PCDHAC1: variants seen among roughly 807,000 people sequenced by gnomAD.
PCDHAC1 encodes protocadherin alpha-C1.
PCDHAC1 carries 42 observed loss-of-function variants against 60.0 expected under a neutral mutation model. The ratio of observed to expected loss-of-function variants is 0.70; its 90% CI spans 0.55 to 0.90. The LOEUF is 0.90. PCDHAC1 is among the 40% of genes least tolerant of loss of function. PCDHAC1 has a pLI of 0.00. For synonymous variants in PCDHAC1, 468 were observed against 499.3 expected, an observed-to-expected ratio of 0.94 and a Z score of 0.84; for missense variants, 1,160 against 1,222.3, an observed-to-expected ratio of 0.95 and a Z score of 0.76.
chr5:140,936,275 T>C (rs1423652397), intron 1 of PCDHAC1, among the ~76,000 whole-genome samples: 1 of 152,216 alleles, frequency 6.6e-6, no homozygotes, highest in African/African-American at 2.4e-5. Context: ...TATATTCCTG[T>C]GTTTTCTTCT....
chr5:140,966,516 G>A (rs967570115), intron 1 of PCDHAC1: 27 of 436,614 alleles, frequency 6.2e-5, no homozygotes, highest in Admixed American at 4.4e-4. Flanking sequence ...GCAGCAGCAG[G>A]AAGCCGAGCC....
intron 1 of PCDHAC1, among the ~76,000 whole-genome samples, chr5:140,935,777 T>C (rs1306193430): frequency 6.6e-6 from 1 of 152,190 alleles, no homozygotes; most frequent in African/African-American, 2.4e-5. Flanking sequence ...TTTGAGTTTT[T>C]TCACTTAAAA....
chr5:140,982,483 A>G lies in PCDHAC1; in HGVS notation c.2501A>G (p.His834Arg). Residue 834 changes from histidine (H) to arginine (R), a missense_variant, in exon 3 of 4, where the codon CAC (histidine) becomes CGC (arginine). His to Arg is a conservative substitution (Grantham distance 29, BLOSUM62 0). This residue lies in a region of PCDHAC1 where 1,113 missense variants were observed against 1,163.7 expected (regional missense o/e 0.96). Transcript: ENST00000253807. ...SLRAGMHSSV[H>R]LEEAGILRAG... ...TCTGTGTGTTTATTCAGCTCTGTGC[A>G]CCTAGAGGAGGCTGGCATTCTACGG... The G allele has an allele frequency of 1.2e-6, 2 of 1,614,142 alleles. No homozygotes were observed. Among genetic ancestry groups the G allele is most frequent in the Non-Finnish European group, 1.7e-6 (2 of 1,180,016 alleles).
chr5:140,930,747 CAT>C (rs2087070106), intron 1 of PCDHAC1, among the ~76,000 whole-genome samples: 1 of 152,116 alleles, frequency 6.6e-6, no homozygotes, highest in Non-Finnish European at 1.5e-5. Context: ...AATAAATTTA[CAT>C]ATGTTAAAAT....
chr5:140,976,841 A>G lies in PCDHAC1; in HGVS notation c.2434-2108A>G, dbSNP rs145977857. Among the ~76,000 whole-genome samples the G allele has an allele frequency of 1.2e-3, 190 of 152,338 alleles. 1 individual carries two copies. Among genetic ancestry groups the G allele is most frequent in the African/African-American group, 4.3e-3 (178 of 41,578 alleles). ...GTGTCTAATGAGCAAAACAGATATA[A>G]TCCCTTTCATAGAGTTTACTGTCTG... On this transcript the variant is annotated intron_variant, in intron 1 of 3. Coordinates refer to ENST00000253807, the MANE Select transcript of PCDHAC1 (RefSeq NM_018898.5).
intron 1 of PCDHAC1, 22 bp from the exon 2 acceptor site, chr5:140,978,924 GAAA>G (rs781894146): frequency 6.2e-7 from 1 of 1,614,012 alleles, no homozygotes; most frequent in East Asian, 2.2e-5. Flanking sequence ...CATTTTAACA[GAAA>G]ACTCTCTTTG....
chr5:141,005,701 CAAAAAAAAA>C (rs59860837), intron 3 of PCDHAC1, among the ~76,000 whole-genome samples: 2 of 7,784 alleles, frequency 2.6e-4, no homozygotes, highest in African/African-American at 4.7e-4. Context: ...AACTCCGTCT[CAAAAAAAAA>C]AAAAAAAAAA....
intron 1 of PCDHAC1, among the ~76,000 whole-genome samples, chr5:140,950,508 C>T (rs1442075303): frequency 6.6e-6 from 1 of 152,016 alleles, no homozygotes; most frequent in African/African-American, 2.4e-5. Context: ...TCATTATTCC[C>T]TGTGTGCGAT....
At chr5:140,995,963 A>G (rs2097706042) in intron 3 of PCDHAC1, among the ~76,000 whole-genome samples, 1 of 152,234 alleles carries the variant, frequency 6.6e-6, no homozygotes, top group Non-Finnish European at 1.5e-5. Context: ...AATGCTTAGA[A>G]CCATGCTTAG....
At chr5:140,976,971 C>A (rs2096740170) in intron 1 of PCDHAC1, among the ~76,000 whole-genome samples, 1 of 152,138 alleles carries the variant, frequency 6.6e-6, no homozygotes, top group Non-Finnish European at 1.5e-5. Flanking sequence ...TTTCCTTTTC[C>A]CTGCCTGATC....
In PCDHAC1 at chr5:140,928,054, A is replaced by T. The variant is rs2084892451; in HGVS notation, c.1162A>T (p.Thr388Ser). 2 of 1,613,994 alleles carry T rather than the reference A, an allele frequency of 1.2e-6. No individual in the cohort carries two copies. The highest frequency in any genetic ancestry group is 1.7e-6 in the Non-Finnish European group (2 of 1,180,038). The change falls in exon 1 of 4, where the codon ACG (threonine) becomes TCG (serine). Residue 388 changes from threonine (T) to serine (S), a missense_variant. This residue lies in a region of PCDHAC1 where 1,113 missense variants were observed against 1,163.7 expected (regional missense o/e 0.96). Coordinates refer to ENST00000253807, the MANE Select transcript of PCDHAC1 (RefSeq NM_018898.5). ...GTCTAGTGCAGGCCCTTTTCAGCTG[A>T]CGGCTTCCTTTGACAACTACTACAG... ...GMSSAGPFQL[T>S]ASFDNYYSLL...
intron 1 of PCDHAC1, among the ~76,000 whole-genome samples, chr5:140,954,580 T>C (rs1193569920): frequency 1.3e-5 from 2 of 152,174 alleles, no homozygotes; most frequent in African/African-American, 4.8e-5. Flanking sequence ...TTTTCAGAAG[T>C]GTCTGTTCAT....
chr5:141,010,446 C>T lies in PCDHAC1; in HGVS notation c.*509C>T. The T allele has an allele frequency of 1.1e-6, 1 of 944,708 alleles. No homozygotes were observed. The highest frequency in any genetic ancestry group is 1.5e-6 in the Non-Finnish European group (1 of 656,274). 58.5% of individuals were successfully genotyped at this position (944,708 alleles called of 1,614,324 possible). ...AGGCAAGAAAACAAAGACAAATAAACAGCGGAAGTTATCAGTATGGAGGGG... is the reference window on the plus strand; with the variant it reads ...AGGCAAGAAAACAAAGACAAATAAATAGCGGAAGTTATCAGTATGGAGGGG... On this transcript the variant is annotated 3_prime_UTR_variant, in exon 4 of 4. Coordinates refer to ENST00000253807, the MANE Select transcript of PCDHAC1 (RefSeq NM_018898.5).
rs1487503403 is a variant in PCDHAC1 at position 140,941,191 on chromosome 5, T to TTTCTTTC, written c.2433+11868_2433+11869insCTTTCTT. Among the ~76,000 whole-genome samples, 158 of 93,240 alleles carry TTTCTTTC rather than the reference T, an allele frequency of 1.7e-3. 2 individuals carry two copies. Among genetic ancestry groups the TTTCTTTC allele is most frequent in the South Asian group, 0.011 (38 of 3,542 alleles). 61.2% of individuals were successfully genotyped at this position (93,240 alleles called of 152,430 possible). A position where few individuals can be genotyped will look rare whatever the true frequency, so the allele number is the denominator to read the frequency against. ...CATCTTGAACATCCTGCTTCTTTTT[T>TTTCTTTC]TTTCTTTCTTCCTTTCTTTCTTCCT... On this transcript the variant is annotated intron_variant, in intron 1 of 3. Transcript: ENST00000253807.
chr5:140,952,571 C>G (rs571628495), intron 1 of PCDHAC1, among the ~76,000 whole-genome samples: 2 of 152,252 alleles, frequency 1.3e-5, no homozygotes, highest in East Asian at 3.9e-4. Flanking sequence ...ACTTCGGTCC[C>G]AATCATTCAA....
At chr5:140,983,184 T>C (rs1367703446) in intron 3 of PCDHAC1, among the ~76,000 whole-genome samples, 2 of 152,192 alleles carry the variant, frequency 1.3e-5, no homozygotes, top group Non-Finnish European at 2.9e-5. Flanking sequence ...CACAATTTCT[T>C]AGTTTAGAGG....
chr5:141,009,868 G>C lies in PCDHAC1; in HGVS notation c.2823G>C (p.Lys941Asn). 1 of 1,614,022 alleles carries C rather than the reference G, an allele frequency of 6.2e-7. No individual in the cohort carries two copies. Among genetic ancestry groups the C allele is most frequent in the Non-Finnish European group, 8.5e-7 (1 of 1,180,004 alleles). Residue 941 changes from lysine (K) to asparagine (N), a missense_variant, in exon 4 of 4, where the codon AAG becomes AAC. Transcript: ENST00000253807. ...AGGAGACCAAGAAAAAGAAGAAAAA[G>C]AAGAAGGGTAACAAGACCCAGGAGA... ...KKEETKKKKKKKKGNKTQEKK... is the reference protein window; with the variant it reads ...KKEETKKKKKNKKGNKTQEKK...
intron 3 of PCDHAC1, among the ~76,000 whole-genome samples, chr5:140,996,730 A>G (rs1271920339): frequency 2.6e-5 from 4 of 152,228 alleles, no homozygotes; most frequent in African/African-American, 9.6e-5. Context: ...AGAAGAAACA[A>G]AAGTCATAAC....
intron 1 of PCDHAC1, among the ~76,000 whole-genome samples, chr5:140,949,015 T>A (rs1004348581): frequency 7.9e-5 from 12 of 151,734 alleles, no homozygotes; most frequent in Non-Finnish European, 1.2e-4. Context: ...ATATGTGATG[T>A]TTTTATTTTT....
Sources: gnomAD v4.1 joint callset for allele counts (sites outside exome capture counted in the v4.1 genomes callset) on GRCh38, gnomAD v4.1.1 for gene constraint, gnomAD v4.1.1 regional missense constraint, MANE v1.5 for transcripts, NCBI Gene and HGNC (gene_info 2026-07-23, HGNC 2026-07-21) for gene names.